The following LHCGR variants were observed in gnomAD, a reference collection of about 807,000 sequenced individuals.
LHCGR encodes the protein lutropin-choriogonadotropic hormone receptor.
Under a neutral mutation model 60.7 loss-of-function variants are expected in LHCGR, and 55 were observed. The observed-to-expected ratio is 0.91, with a 90% confidence interval of 0.73 to 1.13. The LOEUF (loss-of-function observed/expected upper bound fraction) is 1.13, where lower values mean the gene tolerates loss of function less well. LHCGR is among the 50% of genes most tolerant of loss of function. The pLI, the probability that LHCGR is intolerant of heterozygous loss-of-function variation, is 0.00. For synonymous variants in LHCGR, 337 were observed against 316.5 expected (o/e 1.06, Z -0.69); for missense variants, 862 against 836.0 (o/e 1.03, Z -0.38).
intron 1 of LHCGR, among the ~76,000 whole-genome samples, chr2:48,738,362 C>G (rs1172032380): frequency 6.6e-6 from 1 of 152,156 alleles, no homozygotes; most frequent in African/African-American, 2.4e-5. Context: ...CCCCTTTACT[C>G]CTTACACACT....
intron 1 of LHCGR, among the ~76,000 whole-genome samples, chr2:48,741,124 G>A (rs1172585839): frequency 1.3e-5 from 2 of 152,154 alleles, no homozygotes; most frequent in African/African-American, 4.8e-5. Flanking sequence ...AATGAAGTGA[G>A]AAGGGAAGTT....
chr2:48,713,822 T>C (rs1668109920), intron 7 of LHCGR, among the ~76,000 whole-genome samples, 164 bp downstream of exon 7: 1 of 152,072 alleles, frequency 6.6e-6, no homozygotes, highest in East Asian at 1.9e-4. Flanking sequence ...TGCTCTGGGG[T>C]TTCTAGCCAG....
chr2:48,751,019 G>A (rs1669933007), intron 1 of LHCGR, among the ~76,000 whole-genome samples: 1 of 152,158 alleles, frequency 6.6e-6, no homozygotes, highest in South Asian at 2.1e-4. Context: ...GGCACATGTT[G>A]AACAAATGGC....
At chr2:48,734,988 T>G (rs1256503034) in intron 1 of LHCGR, among the ~76,000 whole-genome samples, 1 of 152,252 alleles carries the variant, frequency 6.6e-6, no homozygotes, top group Non-Finnish European at 1.5e-5. Context: ...ATGCAGCTAC[T>G]TAAATTTATT....
intron 1 of LHCGR, among the ~76,000 whole-genome samples, chr2:48,747,090 A>T (rs1669743296): frequency 7.9e-6 from 1 of 126,574 alleles, no homozygotes; most frequent in Non-Finnish European, 1.8e-5. Context: ...TTTTTCTTTT[A>T]CTTTTTTTTT....
At chr2:48,732,480 C>G (rs1283636487) in intron 1 of LHCGR, among the ~76,000 whole-genome samples, 1 of 152,206 alleles carries the variant, frequency 6.6e-6, no homozygotes, top group Non-Finnish European at 1.5e-5. Context: ...GTTATACACA[C>G]CCATTTGTGA....
At chr2:48,701,820 C>T (rs575153810) in intron 8 of LHCGR, among the ~76,000 whole-genome samples, 27 of 152,320 alleles carry the variant, frequency 1.8e-4, no homozygotes, top group South Asian at 4.1e-4. Flanking sequence ...AGTGAATAAA[C>T]GGATGAATAA....
At chr2:48,706,806 T>G (rs1667705115) in intron 8 of LHCGR, among the ~76,000 whole-genome samples, 1 of 152,148 alleles carries the variant, frequency 6.6e-6, no homozygotes, top group Non-Finnish European at 1.5e-5. Context: ...TTTTTCATGG[T>G]TTTTTAGCTT....
chr2:48,740,899 C>G (rs562444817), intron 1 of LHCGR, among the ~76,000 whole-genome samples: 23 of 152,136 alleles, frequency 1.5e-4, no homozygotes, highest in Middle Eastern at 6.8e-3. Flanking sequence ...CTCCGAGCTA[C>G]GGGAGGACAT....
chr2:48,704,217 C>G (rs773335856), intron 8 of LHCGR, among the ~76,000 whole-genome samples: 1 of 152,270 alleles, frequency 6.6e-6, no homozygotes, highest in African/African-American at 2.4e-5. Context: ...GTTGAACCAG[C>G]GTTGCATCCC....
At chr2:48,692,332 TAAATTTATATC>T (rs1376501866) in intron 10 of LHCGR, among the ~76,000 whole-genome samples, 1 of 152,254 alleles carries the variant, frequency 6.6e-6, no homozygotes, top group African/African-American at 2.4e-5. Context: ...GATTTCTGGT[TAAATTTATATC>T]AACAAGAGGT....
Position 48,706,814 on chromosome 2 carries a change from C to G in LHCGR, c.680+2134G>C, listed in dbSNP as rs187897625. ...CTAACCTTTTTTCATGGTTTTTTAG[C>G]TTCCTTGTGATGGGTTAGAACATGC... is the stretch of plus-strand genomic sequence containing the variant. On this transcript the variant is annotated intron_variant, in intron 8 of 10. Coordinates refer to ENST00000294954, the MANE Select transcript of LHCGR (RefSeq NM_000233.4). 1.6e-3 allele frequency among the ~76,000 whole-genome samples: 242 copies of G among 152,214 alleles called. 1 individual carries two copies. Among genetic ancestry groups the G allele is most frequent in the Middle Eastern group, 6.8e-3 (2 of 294 alleles).
chr2:48,747,830 C>G (rs186967512), intron 1 of LHCGR, among the ~76,000 whole-genome samples: 11 of 152,142 alleles, frequency 7.2e-5, no homozygotes, highest in Non-Finnish European at 1.5e-4. Flanking sequence ...AAAAGACTTA[C>G]CCAGAGCCCC....
chr2:48,749,347 GA>G (rs1669852043), intron 1 of LHCGR, among the ~76,000 whole-genome samples: 1 of 152,046 alleles, frequency 6.6e-6, no homozygotes, highest in African/African-American at 2.4e-5. Flanking sequence ...CCTTTCATAA[GA>G]AAAAAAGCTG....
At chr2:48,742,435 C>G (rs1345326973) in intron 1 of LHCGR, among the ~76,000 whole-genome samples, 34 of 150,288 alleles carry the variant, frequency 2.3e-4, no homozygotes, top group Admixed American at 9.3e-4. Flanking sequence ...TGACCACATA[C>G]TTGGAAGTAA....
At position 48,739,982 on chromosome 2, in the gene LHCGR, G is replaced by A. The variant is rs867396227; in HGVS notation, c.162-8684C>T. 9.9e-5 allele frequency among the ~76,000 whole-genome samples: 15 copies of A among 152,170 alleles called. No homozygotes were observed. In the East Asian group the frequency reaches 1.2e-3, roughly 12 times the overall value. On this transcript the variant is annotated intron_variant, in intron 1 of 10. Transcript: ENST00000294954. ...ACAGTGGGCGCAGGTCAGTGGGTGC[G>A]TGCACCATGCGCGAGCTGAAGCAGG...
chr2:48,721,736 T>C (rs945148279), intron 6 of LHCGR: 2 of 471,080 alleles, frequency 4.2e-6, no homozygotes, highest in Non-Finnish European at 8.8e-6. Flanking sequence ...CTTTTTTCTT[T>C]AAGGGTGAGC....
chr2:48,713,972 A>T lies in LHCGR; in HGVS notation c.605+14T>A. ...ATTTTTATTCCTGAGCTGGGGAAAT[A>T]AGCAAATACTTACAGTGAAGTCAGT... On this transcript the variant is annotated intron_variant, in intron 7 of 10. Transcript: ENST00000294954. The T allele has an allele frequency of 6.3e-7, 1 of 1,574,986 alleles. No individual in the cohort carries two copies. Among genetic ancestry groups the T allele is most frequent in the Non-Finnish European group, 8.7e-7 (1 of 1,144,360 alleles).
chr2:48,752,985 G>GT (rs1670036014), intron 1 of LHCGR, among the ~76,000 whole-genome samples: 2 of 103,548 alleles, frequency 1.9e-5, no homozygotes, highest in Admixed American at 8.8e-5. Context: ...TTTTGGCGGG[G>GT]GGGGGGGGGG....
Sources: allele counts gnomAD v4.1 joint callset (sites outside exome capture counted in the v4.1 genomes callset), GRCh38; gene constraint gnomAD v4.1.1; transcripts MANE v1.5; gene names NCBI Gene and HGNC (gene_info 2026-07-23, HGNC 2026-07-21).